The following NFASC variants were observed in gnomAD, a reference collection of about 807,000 sequenced individuals.
The protein encoded by NFASC is neurofascin.
Under a neutral mutation model 147.5 loss-of-function variants are expected in NFASC, and 43 were observed. The ratio of observed to expected loss-of-function variants is 0.29; its 90% CI spans 0.23 to 0.38. NFASC has a LOEUF of 0.38. Among genes scored for constraint, NFASC ranks in the 10% least tolerant of loss-of-function variants. NFASC has a pLI of 1.00. For missense variants in NFASC, 1,320 were observed against 1,689.0 expected (o/e 0.78, Z 3.83); for synonymous variants, 622 against 665.5 (o/e 0.93, Z 1.01).
intron 1 of NFASC, among the ~76,000 whole-genome samples, chr1:204,830,678 A>AGAGAGAGAG (rs1671975185): frequency 1.3e-5 from 2 of 150,552 alleles, no homozygotes; most frequent in African/African-American, 4.9e-5. Flanking sequence ...AGAGAGAGAG[A>AGAGAGAGAG]ATTATGCCAG....
At chr1:204,974,948 C>T (rs756547688) in intron 14 of NFASC, 125 bp downstream of exon 14, 314 of 991,202 alleles carry the variant, frequency 3.2e-4, no homozygotes, top group Non-Finnish European at 4.6e-4. Context: ...GTGGGCTGCC[C>T]AGTTTGCACC....
Position 205,002,597 on chromosome 1 carries a change from C to A in NFASC, c.3138C>A (p.Ser1046Arg), listed in dbSNP as rs563960350. The change falls in exon 27 of 30, where the codon AGC (serine) becomes AGA (arginine). Residue 1046 changes from serine (S) to arginine (R), a missense_variant and splice_region_variant. This residue lies in a region of NFASC where 172 missense variants were observed against 165.8 expected (regional missense o/e 1.04). Transcript: ENST00000339876. Reference sequence around the variant, plus strand: ...CTGATTGAGGTTTCTGTTCCCCAGGCAACCATACGAAAAAAACTGTCCCAG... The same window carrying A: ...CTGATTGAGGTTTCTGTTCCCCAGGAAACCATACGAAAAAAACTGTCCCAG... ...GTDFVVEYIDSNHTKKTVPVK... is the reference protein window; with the variant it reads ...GTDFVVEYIDRNHTKKTVPVK... 2.0e-6 allele frequency: 3 copies of A among 1,499,608 alleles called. No individual in the cohort carries two copies. Among genetic ancestry groups the A allele is most frequent in the Non-Finnish European group, 2.7e-6 (3 of 1,105,988 alleles). 92.9% of individuals were successfully genotyped at this position (1,499,608 alleles called of 1,614,324 possible). A position where few individuals can be genotyped will look rare whatever the true frequency, so the allele number is the denominator to read the frequency against.
At chr1:204,944,530 T>G (rs113134492) in intron 3 of NFASC, 124 bp downstream of exon 3, 5 of 773,656 alleles carry the variant, frequency 6.5e-6, no homozygotes, top group African/African-American at 5.3e-5. Flanking sequence ...ACGCAGTGGA[T>G]TCTGAGATTC....
intron 1 of NFASC, among the ~76,000 whole-genome samples, chr1:204,839,101 G>A (rs1036418543): frequency 1.3e-5 from 2 of 152,106 alleles, no homozygotes; most frequent in African/African-American, 4.8e-5. Context: ...CTTTTTGAAG[G>A]TATTTCTTAT....
chr1:204,870,997 C>T (rs2077584224), intron 1 of NFASC: 7 of 1,289,428 alleles, frequency 5.4e-6, no homozygotes, highest in Non-Finnish European at 7.1e-6. Context: ...CCTAGCTTCC[C>T]TCCCCACCTG....
rs115551180 is a variant in NFASC at position 204,946,969 on chromosome 1, A to G, written c.91+2563A>G. The G allele has an allele frequency of 1.3e-3, 465 of 360,286 alleles. 1 individual carries two copies. Among genetic ancestry groups the G allele is most frequent in the African/African-American group, 8.9e-3 (416 of 46,946 alleles). The allele number at this position is 360,286 out of a possible 1,614,324, so 22.3% of individuals were successfully genotyped here. ...AGGCTGAGCATCTGAAGCCCACAAG[A>G]AAGTTTGCTTGCCTGGGGCACCTGT... is the stretch of plus-strand genomic sequence containing the variant. On this transcript the variant is annotated intron_variant, in intron 3 of 29. Transcript: ENST00000339876.
chr1:204,891,798 G>A (rs2082451245), intron 1 of NFASC, among the ~76,000 whole-genome samples: 1 of 152,180 alleles, frequency 6.6e-6, no homozygotes, highest in African/African-American at 2.4e-5. Flanking sequence ...TTGATGAAAT[G>A]CCTGGCAAGT....
intron 1 of NFASC, among the ~76,000 whole-genome samples, chr1:204,836,086 T>G (rs891870006): frequency 6.6e-6 from 1 of 152,222 alleles, no homozygotes; most frequent in Non-Finnish European, 1.5e-5. Context: ...GTCAGAGAAT[T>G]TCATCACTCT....
At chr1:204,859,404 C>T (rs563519326) in intron 1 of NFASC, among the ~76,000 whole-genome samples, 55 of 152,372 alleles carry the variant, frequency 3.6e-4, no homozygotes, top group African/African-American at 1.3e-3. Flanking sequence ...TCATCTCTTC[C>T]TCCTGTCCTC....
chr1:204,937,337 G>A (rs896473652), intron 2 of NFASC, among the ~76,000 whole-genome samples: 4 of 152,058 alleles, frequency 2.6e-5, no homozygotes, highest in Admixed American at 2.0e-4. Context: ...TTGATGTTAG[G>A]GTTCACTCTT....
chr1:204,864,197 C>A (rs1399910950), intron 1 of NFASC, among the ~76,000 whole-genome samples: 4 of 152,162 alleles, frequency 2.6e-5, no homozygotes, highest in Non-Finnish European at 4.4e-5. Context: ...ATCAGAACTT[C>A]ATTCTTTTTT....
intron 2 of NFASC, among the ~76,000 whole-genome samples, chr1:204,923,705 G>A (rs1294761788): frequency 2.0e-5 from 3 of 152,130 alleles, no homozygotes; most frequent in South Asian, 2.1e-4. Flanking sequence ...CCCCCAAACC[G>A]ATTTCAGGCC....
At chr1:204,991,529 G>T (rs1416255216) in intron 24 of NFASC, among the ~76,000 whole-genome samples, 3 of 152,198 alleles carry the variant, frequency 2.0e-5, no homozygotes, top group Non-Finnish European at 4.4e-5. Context: ...TTTGCCCCCT[G>T]CTGAGTAGGA....
At chr1:204,966,536 G>A (rs1300131231) in intron 8 of NFASC, among the ~76,000 whole-genome samples, 1 of 152,204 alleles carries the variant, frequency 6.6e-6, no homozygotes, top group African/African-American at 2.4e-5. Flanking sequence ...TGGGTGGGAG[G>A]AAGCTGTTGG....
At chr1:204,871,343 G>A (rs1294805676) in intron 1 of NFASC, among the ~76,000 whole-genome samples, 2 of 152,148 alleles carry the variant, frequency 1.3e-5, no homozygotes, top group African/African-American at 4.8e-5. Context: ...TGAAATTTTA[G>A]GAGGAAGAGA....
chr1:204,930,211 G>A (rs2092233953), intron 2 of NFASC, among the ~76,000 whole-genome samples: 1 of 152,166 alleles, frequency 6.6e-6, no homozygotes. Context: ...CAAATAGGGT[G>A]ACATTGAGTG....
Position 204,979,780 on chromosome 1 carries a change from G to A in NFASC, c.2176+221G>A, listed in dbSNP as rs1418644807. 2.0e-5 allele frequency among the ~76,000 whole-genome samples: 3 copies of A among 152,224 alleles called. No homozygotes were observed. The highest frequency in any genetic ancestry group is 7.2e-5 in the African/African-American group (3 of 41,454). On this transcript the variant is annotated intron_variant, in intron 19 of 29. Transcript: ENST00000339876. This position sits in a 1 kb window ranked among gnomAD's most constrained non-coding sequence, Gnocchi z 6.0. ...CTTACTATGATGCCTGGCATGTAGT[G>A]AGCACATGATAAATGCTAACTTCCA... is the stretch of plus-strand genomic sequence containing the variant.
chr1:204,920,598 C>A (rs1183234532), intron 1 of NFASC, 34 bp from the exon 2 acceptor site: 1 of 1,082,380 alleles, frequency 9.2e-7, no homozygotes, highest in East Asian at 5.9e-5. Context: ...CTTAGAGTAA[C>A]CCTGGGGTTC....
intron 8 of NFASC, among the ~76,000 whole-genome samples, chr1:204,962,636 A>G (rs1298800931): frequency 1.3e-5 from 2 of 152,182 alleles, no homozygotes; most frequent in African/African-American, 4.8e-5. Context: ...CACCTTAGTT[A>G]CCGGGAGTAC....
Sources: gnomAD v4.1 joint callset for allele counts (sites outside exome capture counted in the v4.1 genomes callset) on GRCh38, gnomAD v4.1.1 for gene constraint, gnomAD v4.1.1 regional missense constraint, Gnocchi (gnomAD v3.1) non-coding constraint, MANE v1.5 for transcripts, NCBI Gene and HGNC (gene_info 2026-07-23, HGNC 2026-07-21) for gene names.